YJU2B: variants seen among roughly 807,000 people sequenced by gnomAD.
YJU2B encodes YJU2 splicing factor homolog B.
A neutral mutation model predicts 38.0 loss-of-function variants in YJU2B; 18 were observed. That is an observed-to-expected ratio of 0.47 (90% confidence interval 0.33 to 0.70). YJU2B has a LOEUF of 0.70. Ranked by LOEUF, YJU2B falls within the 30% of genes least tolerant of loss-of-function variation. The pLI, the probability that YJU2B is intolerant of heterozygous loss-of-function variation, is 0.02. For missense variants in YJU2B, 538 were observed against 556.3 expected, an observed-to-expected ratio of 0.97 and a Z score of 0.33; for synonymous variants, 246 against 225.4, an observed-to-expected ratio of 1.09 and a Z score of -0.82.
rs1234854127 is a variant in YJU2B, at chr19:13,762,624, G to C, written c.747G>C (p.Glu249Asp). ...ACAAGCAGAAACTCAAGCGGACCGA[G>C]ATCATCAGCCGCTCCTGGTTCCCCT... ...YEDKQKLKRTEIISRSWFPSA... is the reference protein window; with the variant it reads ...YEDKQKLKRTDIISRSWFPSA... Residue 249 changes from glutamate to aspartate, a missense_variant, in exon 10 of 10, where the codon GAG becomes GAC. By Grantham distance (45) the Glu-to-Asp change is conservative (BLOSUM62 2). Coordinates refer to ENST00000221554, the MANE Select transcript of YJU2B (RefSeq NM_030818.4). 8 of 1,534,628 alleles carry C rather than the reference G, an allele frequency of 5.2e-6. No individual in the cohort carries two copies. The highest frequency in any genetic ancestry group is 2.0e-5 in the Admixed American group (1 of 49,764).
In YJU2B at chr19:13,763,058, AGAGT is replaced by A. The variant is rs772760651; in HGVS notation, c.1189_*1del. ...CTCGTGGCGGACTACTCCGACTCGG[AGAGT>A]GAGTGAGCGATCCCCATCCTGGAGA... is the stretch of plus-strand genomic sequence containing the variant. On this transcript the variant is annotated frameshift_variant, in exon 10 of 10. Transcript: ENST00000221554. LOFTEE classifies it high-confidence loss of function. 1.5e-5 allele frequency: 23 copies of A among 1,550,034 alleles called. No homozygotes were observed. The highest frequency in any genetic ancestry group is 1.8e-5 in the Non-Finnish European group (21 of 1,147,866).
intron 8 of YJU2B, among the ~76,000 whole-genome samples, chr19:13,760,873 A>G (rs1009267529): frequency 6.6e-6 from 1 of 152,070 alleles, no homozygotes; most frequent in Non-Finnish European, 1.5e-5. Context: ...GGTTCAAGCA[A>G]TTCTCCTGCC....
chr19:13,750,883 C>T (rs1211433541), intron 1 of YJU2B, among the ~76,000 whole-genome samples: 1 of 147,338 alleles, frequency 6.8e-6, no homozygotes, highest in Non-Finnish European at 1.5e-5. Flanking sequence ...AAAAAAAAGC[C>T]TGTAACAAAG....
chr19:13,733,221 G>A (rs1038863366), intron 2 of YJU2B, among the ~76,000 whole-genome samples: 3 of 150,746 alleles, frequency 2.0e-5, no homozygotes, highest in South Asian at 2.2e-4. Context: ...GAGCCACCAC[G>A]CCCGGCCTTG....
At chr19:13,750,857 CAA>C (rs908775840) in intron 1 of YJU2B, among the ~76,000 whole-genome samples, 751 of 61,998 alleles carry the variant, frequency 0.012, no homozygotes, top group African/African-American at 0.041. Context: ...GACTCCGTCT[CAA>C]AAAAAAAAAA....
In YJU2B at chr19:13,762,876, C is replaced by G. The variant is rs768454832; in HGVS notation, c.999C>G (p.Pro333=). 5.0e-6 allele frequency: 8 copies of G among 1,610,202 alleles called. No homozygotes were observed. In the East Asian group the frequency reaches 1.8e-4, roughly 36 times the overall value. Residue 333 remains proline, a synonymous_variant, in exon 10 of 10, where the codon CCC becomes CCG. Transcript: ENST00000221554. ...EEAAQDRPMS[P]GDCPPETTET... is the part of the protein sequence containing the mutation. The stretch of plus-strand genomic sequence containing the variant: ...CTGCCCAGGACCGGCCCATGTCCCC[C>G]GGAGACTGTCCTCCGGAAACAACTG...
chr19:13,757,553 G>A (rs1973715287), intron 5 of YJU2B, 80 bp downstream of exon 5: 10 of 1,177,704 alleles, frequency 8.5e-6, no homozygotes, highest in Admixed American at 3.5e-5. Context: ...GTGGGGGTGG[G>A]AGGGTCCTGA....
rs191895353 is a variant in YJU2B, at chr19:13,739,943, T to C, written c.-202+7658T>C. On this transcript the variant is annotated intron_variant, in intron 2 of 10. Transcript: ENST00000586600. ...CCCCAGTGTGTGATGTTCCCCTCCC[T>C]GTGTCCACGCGTTCTCATTGTTCAA... is the stretch of plus-strand genomic sequence containing the variant. 3.9e-4 allele frequency among the ~76,000 whole-genome samples: 59 copies of C among 152,254 alleles called. No individual in the cohort carries two copies. In the East Asian group the frequency reaches 0.011, roughly 28 times the overall value.
In YJU2B at chr19:13,762,711, C is replaced by T; in HGVS notation, c.834C>T (p.Ser278=). 1 of 1,606,540 alleles carries T rather than the reference C, an allele frequency of 6.2e-7. No individual in the cohort carries two copies. The highest frequency in any genetic ancestry group is 8.5e-7 in the Non-Finnish European group (1 of 1,179,512). ...VSGVLKKLAQ[S]RRTALATSPI... ...GCGTCCTGAAGAAGCTGGCACAGAG[C>T]CGCAGAACCGCGCTTGCCACCTCCC... Residue 278 remains serine (S), a synonymous_variant, in exon 10 of 10, where the codon AGC becomes AGT. Transcript: ENST00000221554.
At chr19:13,753,136 C>T (rs1001428978) in intron 2 of YJU2B, among the ~76,000 whole-genome samples, 2 of 152,120 alleles carry the variant, frequency 1.3e-5, no homozygotes, top group African/African-American at 4.8e-5. Context: ...CCCAAGTAGC[C>T]CTTCCCCAAT....
chr19:13,762,182 G>A, intron 8 of YJU2B, 117 bp from the exon 9 acceptor site: 1 of 1,249,172 alleles, frequency 8.0e-7, no homozygotes, highest in Non-Finnish European at 1.1e-6. Flanking sequence ...GCGACAGAAT[G>A]AAACTGTCTC....
chr19:13,739,829 A>G (rs1031894702), intron 2 of YJU2B, among the ~76,000 whole-genome samples: 3 of 152,040 alleles, frequency 2.0e-5, no homozygotes, highest in African/African-American at 7.2e-5. Flanking sequence ...TGCTGCACCT[A>G]TCAATCCATC....
chr19:13,761,726 AT>A (rs71170558), intron 8 of YJU2B, among the ~76,000 whole-genome samples: 32,403 of 138,896 alleles, frequency 0.23, 4,240 homozygotes, highest in Non-Finnish European at 0.31. Context: ...ACAAAAAAAA[AT>A]TTTTTTTTTT....
intron 8 of YJU2B, among the ~76,000 whole-genome samples, chr19:13,762,059 G>A (rs890131540): frequency 1.3e-5 from 2 of 152,120 alleles, no homozygotes; most frequent in African/African-American, 4.8e-5. Flanking sequence ...GCTGGGCGTG[G>A]TGGTGCACAT....
intron 4 of YJU2B, among the ~76,000 whole-genome samples, chr19:13,756,808 C>G (rs1973683615): frequency 6.6e-6 from 1 of 151,912 alleles, no homozygotes; most frequent in Admixed American, 6.6e-5. Flanking sequence ...AACCCTGTCT[C>G]TACTGAAAAT....
Position 13,758,738 on chromosome 19 carries a change from G to A in YJU2B, c.258-130G>A, listed in dbSNP as rs542122438. ...CCCCTTTTTGCCCGTGGCTCTACAC[G>A]GCACACAGTGGGTGCTCAGTGAATT... On this transcript the variant is annotated intron_variant, in intron 6 of 9. Coordinates refer to ENST00000221554, the MANE Select transcript of YJU2B (RefSeq NM_030818.4). 285 of 1,103,854 alleles carry A rather than the reference G, an allele frequency of 2.6e-4. 1 individual carries two copies. In the East Asian group the frequency reaches 5.3e-3, roughly 20 times the overall value. 68.4% of individuals were successfully genotyped at this position (1,103,854 alleles called of 1,614,324 possible).
chr19:13,757,009 C>T (rs1469240722), intron 4 of YJU2B, among the ~76,000 whole-genome samples: 2 of 150,678 alleles, frequency 1.3e-5, no homozygotes, highest in African/African-American at 2.4e-5. Context: ...GAATTGGTGG[C>T]GCACACCTAT....
intron 4 of YJU2B, 124 bp from the exon 5 acceptor site, chr19:13,757,294 C>T (rs1168311672): frequency 1.5e-6 from 1 of 686,270 alleles, no homozygotes; most frequent in South Asian, 1.7e-5. Context: ...TGCAGCAACT[C>T]CCGTTAACAG....
Position 13,756,242 on chromosome 19 carries a change from C to A in YJU2B, c.103C>A (p.Arg35=). Residue 35 remains arginine, a synonymous_variant, in exon 4 of 10, where the codon CGG becomes AGG. Transcript: ENST00000221554. ...CCACAACAGCCACCCGCTTCGGGAG[C>A]GGGCTCGGAAGCTGTCACAGGGCAT... ...RYHNSHPLRE[R]ARKLSQGILI... is the part of the protein sequence containing the mutation. 1 of 1,614,066 alleles carries A rather than the reference C, an allele frequency of 6.2e-7. No individual in the cohort carries two copies. The highest frequency in any genetic ancestry group is 8.5e-7 in the Non-Finnish European group (1 of 1,179,986).
Sources: gnomAD v4.1 joint callset for allele counts (sites outside exome capture counted in the v4.1 genomes callset) on GRCh38, gnomAD v4.1.1 for gene constraint, MANE v1.5 for transcripts, NCBI Gene and HGNC (gene_info 2026-07-23, HGNC 2026-07-21) for gene names.